Variants in RECK observed in about 807,000 individuals in gnomAD.
RECK encodes reversion-inducing cysteine-rich protein with Kazal motifs.
In RECK, 69 loss-of-function variants were observed where a neutral mutation model predicts 115.1. The observed-to-expected ratio is 0.60, with a 90% CI of 0.49 to 0.73. RECK has a LOEUF of 0.73. Among genes scored for constraint, RECK ranks in the 30% least tolerant of loss-of-function variants. The pLI is 0.00. For missense variants in RECK, 1,047 were observed against 1,203.7 expected (o/e 0.87, Z 1.93); for synonymous variants, 414 against 419.7 (o/e 0.99, Z 0.17).
chr9:36,058,072 A>C (rs1821601894), intron 2 of RECK, among the ~76,000 whole-genome samples: 1 of 150,138 alleles, frequency 6.7e-6, no homozygotes, highest in South Asian at 2.1e-4. Flanking sequence ...AAACTAGTTC[A>C]ACCATTGTGG....
intron 16 of RECK, among the ~76,000 whole-genome samples, chr9:36,114,905 C>T (rs1824200494): frequency 6.6e-6 from 1 of 151,970 alleles, no homozygotes; most frequent in South Asian, 2.1e-4. Flanking sequence ...AGTGGTGCCT[C>T]TAGGGAAGGG....
intron 12 of RECK, 87 bp from the exon 13 acceptor site, chr9:36,105,056 T>C: frequency 1.8e-6 from 2 of 1,140,370 alleles, no homozygotes; most frequent in Non-Finnish European, 2.5e-6. Flanking sequence ...AGCTCTTCAT[T>C]TATTCCAGCC....
intron 6 of RECK, among the ~76,000 whole-genome samples, chr9:36,079,391 A>G (rs762546904): frequency 6.6e-6 from 1 of 152,180 alleles, no homozygotes; most frequent in Non-Finnish European, 1.5e-5. Flanking sequence ...CACTCCTGTT[A>G]TATTGCTTGA....
Position 36,102,242 on chromosome 9 carries a change from T to C in RECK, c.1435+12T>C. On this transcript the variant is annotated intron_variant, in intron 12 of 20. Transcript: ENST00000377966. Reference sequence around the variant, plus strand: ...GGATACATACCTCAGTAAGTACTTTTTTGTATGTGTGTTTTTAGATTTCAA... The same window carrying C: ...GGATACATACCTCAGTAAGTACTTTCTTGTATGTGTGTTTTTAGATTTCAA... The C allele has an allele frequency of 6.3e-7, 1 of 1,584,660 alleles. No individual in the cohort carries two copies. The highest frequency in any genetic ancestry group is 8.6e-7 in the Non-Finnish European group (1 of 1,168,088).
At chr9:36,066,946 G>A in intron 6 of RECK, 2 of 1,028,862 alleles carry the variant, frequency 1.9e-6, no homozygotes, top group Non-Finnish European at 2.6e-6. Flanking sequence ...CCCTAATTTG[G>A]CCTAGAATTA....
Position 36,123,032 on chromosome 9 carries a change from G to A in RECK, c.2903G>A (p.Trp968Ter), listed in dbSNP as rs1050520695. 12 of 1,613,774 alleles carry A rather than the reference G, an allele frequency of 7.4e-6. No homozygotes were observed. The highest frequency in any genetic ancestry group is 1.7e-4 in the Middle Eastern group (1 of 6,056). The change falls in exon 21 of 21, where the codon TGG (tryptophan) becomes TAG (stop). Residue 968 changes from tryptophan (W) to a stop codon, truncating the protein, a stop_gained. Coordinates refer to ENST00000377966, the MANE Select transcript of RECK (RefSeq NM_021111.3). LOFTEE classifies it high-confidence loss of function. ...TTGGGCCTTGCCTTGCACTTGCTCT[G>A]GACATATAACTGACTGCCCACGGAA... The part of the protein sequence containing the change: ...LSLGLALHLL[W>*]TYN
chr9:36,109,991 C>T lies in RECK; in HGVS notation c.1800C>T (p.Val600=). The part of the protein sequence containing the change: ...HGTSFSIDCN[V]CSCFAGNLVC... Reference sequence around the variant, plus strand: ...CATCCTTTAGTATTGACTGCAATGTCTGTTCTTGTTTTGCTGGCAATTTGG... The same window carrying T: ...CATCCTTTAGTATTGACTGCAATGTTTGTTCTTGTTTTGCTGGCAATTTGG... The change falls in exon 15 of 21, where the codon GTC becomes GTT. Residue 600 remains valine, a synonymous_variant. Coordinates refer to ENST00000377966, the MANE Select transcript of RECK (RefSeq NM_021111.3). The T allele has an allele frequency of 6.2e-7, 1 of 1,613,422 alleles. No individual in the cohort carries two copies. The highest frequency in any genetic ancestry group is 1.1e-5 in the South Asian group (1 of 91,078).
At chr9:36,110,810 G>A (rs924724283) in intron 15 of RECK, among the ~76,000 whole-genome samples, 2 of 151,788 alleles carry the variant, frequency 1.3e-5, no homozygotes, top group South Asian at 4.2e-4. Context: ...GGTGGGGGCC[G>A]GGTGGAGGAG....
At chr9:36,082,401 C>T (rs1247740195) in intron 7 of RECK, among the ~76,000 whole-genome samples, 1 of 152,090 alleles carries the variant, frequency 6.6e-6, no homozygotes, top group Non-Finnish European at 1.5e-5. Context: ...CCAGGCTGGT[C>T]TCAAACTCCT....
At chr9:36,056,996 C>A (rs1053564678) in intron 2 of RECK, 1 of 985,052 alleles carries the variant, frequency 1.0e-6, no homozygotes, top group Non-Finnish European at 1.2e-6. Context: ...TGGATTTTAC[C>A]GTCTCAGCTA....
intron 4 of RECK, among the ~76,000 whole-genome samples, chr9:36,060,974 T>C (rs904180802): frequency 2.6e-5 from 4 of 152,204 alleles, no homozygotes; most frequent in Non-Finnish European, 4.4e-5. Context: ...CTAGTTCCAT[T>C]GACTCTCCCC....
At chr9:36,090,244 T>A (rs1378830095) in intron 9 of RECK, among the ~76,000 whole-genome samples, 1 of 152,144 alleles carries the variant, frequency 6.6e-6, no homozygotes, top group Non-Finnish European at 1.5e-5. Context: ...GATCACAGCT[T>A]CCTTATTCCC....
intron 12 of RECK, among the ~76,000 whole-genome samples, chr9:36,104,770 A>G (rs1587075469): frequency 6.6e-6 from 1 of 152,026 alleles, no homozygotes; most frequent in South Asian, 2.1e-4. Flanking sequence ...CAGCCTCCCA[A>G]AGTGCTGGGA....
chr9:36,062,160 C>CTTTTTTT (rs770648750), intron 4 of RECK, among the ~76,000 whole-genome samples: 1 of 131,966 alleles, frequency 7.6e-6, no homozygotes, highest in Non-Finnish European at 1.6e-5. Flanking sequence ...GCATCTCCTA[C>CTTTTTTT]TTTTTTTTTT....
At position 36,059,199 on chromosome 9, in the gene RECK, G is replaced by GT. The variant is rs1368763960; in HGVS notation, c.234+299dup. On this transcript the variant is annotated intron_variant, in intron 3 of 20. Transcript: ENST00000377966. ...GGGTCGGGCGTGGTGGCTGATGCCT[G>GT]TAATCCCAGCACTTTGGGAGTCTGA... Among the ~76,000 whole-genome samples, 27 of 152,146 alleles carry GT rather than the reference G, an allele frequency of 1.8e-4. 1 individual carries two copies. The highest frequency in any genetic ancestry group is 5.8e-4 in the African/African-American group (24 of 41,434).
At chr9:36,110,162 C>T in intron 15 of RECK, 83 bp downstream of exon 15, 1 of 1,416,120 alleles carries the variant, frequency 7.1e-7, no homozygotes, top group Non-Finnish European at 9.7e-7. Flanking sequence ...CTTCTCCAGT[C>T]TTAACTGCAA....
Position 36,118,808 on chromosome 9 carries a change from A to C in RECK, c.2305A>C (p.Ser769Arg). 3 of 1,614,156 alleles carry C rather than the reference A, an allele frequency of 1.9e-6. No individual in the cohort carries two copies. The highest frequency in any genetic ancestry group is 2.5e-6 in the Non-Finnish European group (3 of 1,180,042). ...PVCGHNGETY[S>R]SVCAAYSDRV... is the part of the protein sequence containing the mutation. ...ATGTGGGCACAATGGTGAGACCTAC[A>C]GCAGTGTGTGTGCTGCCTACTCGGA... Residue 769 changes from serine to arginine, a missense_variant, in exon 18 of 21, where the codon AGC (serine) becomes CGC (arginine). Coordinates refer to ENST00000377966, the MANE Select transcript of RECK (RefSeq NM_021111.3).
At chr9:36,121,828 G>A in intron 20 of RECK, 140 bp downstream of exon 20, 1 of 877,990 alleles carries the variant, frequency 1.1e-6, no homozygotes, top group Non-Finnish European at 1.8e-6. Context: ...CGGGACAGGA[G>A]GGAGAAAAGC....
intron 1 of RECK, among the ~76,000 whole-genome samples, chr9:36,043,983 TG>T (rs1820981958): frequency 6.6e-6 from 1 of 152,186 alleles, no homozygotes; most frequent in Admixed American, 6.5e-5. Flanking sequence ...GAACTAGAAT[TG>T]TTTTTTCTAG....
Sources: gnomAD v4.1 joint callset for allele counts (sites outside exome capture counted in the v4.1 genomes callset) on GRCh38, gnomAD v4.1.1 for gene constraint, MANE v1.5 for transcripts, NCBI Gene and HGNC (gene_info 2026-07-23, HGNC 2026-07-21) for gene names.